Variants in SUGT1 observed in about 807,000 individuals in gnomAD.
SUGT1 encodes SGT1 assembly cochaperone of MIS12 kinetochore complex.
In SUGT1, 15 loss-of-function variants were observed where a neutral mutation model predicts 56.1. The ratio of observed to expected loss-of-function variants is 0.27; its 90% confidence interval spans 0.18 to 0.41. SUGT1 has a LOEUF of 0.41. Among genes scored for constraint, SUGT1 ranks in the 10% least tolerant of loss-of-function variants. The pLI is 1.00. For synonymous variants in SUGT1, 123 were observed against 128.6 expected, an observed-to-expected ratio of 0.96 and a Z score of 0.30; for missense variants, 347 against 382.2, an observed-to-expected ratio of 0.91 and a Z score of 0.77.
intron 10 of SUGT1, among the ~76,000 whole-genome samples, chr13:52,673,890 T>C (rs559250843): frequency 1.3e-5 from 2 of 152,322 alleles, no homozygotes; most frequent in South Asian, 4.1e-4. Flanking sequence ...ATAAATATCG[T>C]AGCAGTGACA....
rs1963891656 is a variant in SUGT1 at position 52,695,161 on chromosome 13, T to A, written c.*7326T>A. 1 of 152,272 alleles carries A rather than the reference T, an allele frequency of 6.6e-6. No individual in the cohort carries two copies. The highest frequency in any genetic ancestry group is 2.1e-4 in the South Asian group (1 of 4,836). The allele number at this position is 152,272 out of a possible 1,614,324, so 9.4% of individuals were successfully genotyped here. A position where few individuals can be genotyped will look rare whatever the true frequency, so the allele number is the denominator to read the frequency against. ...CTGTTTTCTAAACTTTTTCTGTGGCTTGAAGTGACTGAAAGTGAACACATT... is the reference window on the plus strand; with the variant it reads ...CTGTTTTCTAAACTTTTTCTGTGGCATGAAGTGACTGAAAGTGAACACATT... On this transcript the variant is annotated 3_prime_UTR_variant, in exon 13 of 13. Coordinates refer to ENST00000310528, the MANE Select transcript of SUGT1 (RefSeq NM_006704.5).
In SUGT1 at chr13:52,666,924, G is replaced by A. The variant is rs753796018; in HGVS notation, c.627+5G>A. 6.3e-7 allele frequency: 1 copy of A among 1,595,650 alleles called. No homozygotes were observed. ...TTTAAAGTACTTTCAACAAAGGTAA[G>A]ACCATTGAAAAGTTTGTTACTAGTA... On this transcript the variant is annotated splice_donor_5th_base_variant and intron_variant, in intron 10 of 12. Coordinates refer to ENST00000310528, the MANE Select transcript of SUGT1 (RefSeq NM_006704.5).
At chr13:52,656,652 T>C (rs1026791265) in intron 2 of SUGT1, among the ~76,000 whole-genome samples, 1 of 152,326 alleles carries the variant, frequency 6.6e-6, no homozygotes, top group African/African-American at 2.4e-5. Context: ...TACTTTCTGT[T>C]GATTGACTGT....
chr13:52,685,126 G>A (rs1425046430), intron 12 of SUGT1, among the ~76,000 whole-genome samples: 1 of 150,610 alleles, frequency 6.6e-6, no homozygotes, highest in African/African-American at 2.4e-5. Context: ...GAATACAGAG[G>A]TGCGATCATG....
At chr13:52,669,912 T>C (rs1475878513) in intron 10 of SUGT1, among the ~76,000 whole-genome samples, 1 of 152,216 alleles carries the variant, frequency 6.6e-6, no homozygotes, top group East Asian at 1.9e-4. Context: ...GAGGCTTACT[T>C]CGTGGACACT....
chr13:52,653,171 A>AC (rs1299191004), intron 2 of SUGT1, 68 bp downstream of exon 2: 2 of 1,587,024 alleles, frequency 1.3e-6, no homozygotes, highest in African/African-American at 2.7e-5. Flanking sequence ...GTCCCCGCTG[A>AC]CCCGCCTTCT....
chr13:52,696,615 G>T lies in SUGT1; in HGVS notation c.*8780G>T, dbSNP rs751933990. 5 of 152,160 alleles carry T rather than the reference G, an allele frequency of 3.3e-5. No individual in the cohort carries two copies. Among genetic ancestry groups the T allele is most frequent in the Non-Finnish European group, 7.4e-5 (5 of 68,026 alleles). 9.4% of individuals were successfully genotyped at this position (152,160 alleles called of 1,614,324 possible). A position where few individuals can be genotyped will look rare whatever the true frequency, so the allele number is the denominator to read the frequency against. ...TAAAGTTGATCATTTATTTGTCAAT[G>T]TAAATAGAATAGTAATTTGTTTTCA... On this transcript the variant is annotated 3_prime_UTR_variant, in exon 13 of 13. Transcript: ENST00000310528.
intron 10 of SUGT1, among the ~76,000 whole-genome samples, chr13:52,674,788 A>G (rs1963079285): frequency 6.6e-6 from 1 of 152,192 alleles, no homozygotes; most frequent in Admixed American, 6.5e-5. Flanking sequence ...TATAGTGCTT[A>G]CTTTAATATT....
chr13:52,666,939 T>C lies in SUGT1; in HGVS notation c.627+20T>C, dbSNP rs777319781. ...ACAAAGGTAAGACCATTGAAAAGTT[T>C]GTTACTAGTAATATTTTCAAAATTA... On this transcript the variant is annotated intron_variant, in intron 10 of 12. Coordinates refer to ENST00000310528, the MANE Select transcript of SUGT1 (RefSeq NM_006704.5). 3.3e-6 allele frequency: 5 copies of C among 1,535,130 alleles called. No individual in the cohort carries two copies. The highest frequency in any genetic ancestry group is 4.5e-6 in the Non-Finnish European group (5 of 1,116,280).
chr13:52,694,780 C>T lies in SUGT1; in HGVS notation c.*6945C>T, dbSNP rs186702628. On this transcript the variant is annotated 3_prime_UTR_variant, in exon 13 of 13. Coordinates refer to ENST00000310528, the MANE Select transcript of SUGT1 (RefSeq NM_006704.5). ...TTTTGGCTCACTGCAAGCTCCGCCT[C>T]CCGGTTCACGCCATTCTCATGCCTC... 7.9e-5 allele frequency: 12 copies of T among 152,428 alleles called. No individual in the cohort carries two copies. The highest frequency in any genetic ancestry group is 2.0e-4 in the Admixed American group (3 of 15,310). The allele number at this position is 152,428 out of a possible 1,614,324, so 9.4% of individuals were successfully genotyped here.
intron 10 of SUGT1, among the ~76,000 whole-genome samples, chr13:52,674,535 G>A (rs1963068193): frequency 6.6e-6 from 1 of 152,142 alleles, no homozygotes; most frequent in Admixed American, 6.5e-5. Flanking sequence ...ATTTTAAGGT[G>A]CAAATTTTGA....
chr13:52,652,889 A>G lies in SUGT1; in HGVS notation c.-32A>G, dbSNP rs983222422. The G allele has an allele frequency of 1.2e-6, 2 of 1,609,538 alleles. No homozygotes were observed. The highest frequency in any genetic ancestry group is 2.7e-5 in the African/African-American group (2 of 74,880). On this transcript the variant is annotated 5_prime_UTR_variant, in exon 1 of 13. Transcript: ENST00000310528. ...TGGAGGTGGTAACCGTGATAGTAGC[A>G]GCTCCGGCGGCAGCAACAGCGACTA...
intron 2 of SUGT1, among the ~76,000 whole-genome samples, chr13:52,655,811 T>C (rs865871270): frequency 6.6e-6 from 1 of 152,130 alleles, no homozygotes; most frequent in African/African-American, 2.4e-5. Context: ...TCAGGTAAAG[T>C]TTAGAGAAAA....
At chr13:52,658,172 GC>G in intron 3 of SUGT1, 2 of 1,468,356 alleles carry the variant, frequency 1.4e-6, no homozygotes, top group Non-Finnish European at 1.8e-6. Context: ...TTGTGACACA[GC>G]TGTATTCATT....
intron 7 of SUGT1, 102 bp downstream of exon 7, chr13:52,663,214 A>G: frequency 8.3e-7 from 1 of 1,208,662 alleles, no homozygotes; most frequent in Non-Finnish European, 1.2e-6. Context: ...ATATTTAAAT[A>G]TTAAGCAATT....
chr13:52,663,100 A>T lies in SUGT1; in HGVS notation c.387A>T (p.Ser129=), dbSNP rs976230379. The stretch of plus-strand genomic sequence containing the variant: ...TTCCTTTTTATGTTTTAATAGGCTC[A>T]GAATCTGAGGTGGTAAGTCCAAAGT... ...IKRCQEAQNG[S]ESEVWTHQSK... is the part of the protein sequence containing the mutation. Residue 129 remains serine (S), a synonymous_variant, in exon 7 of 13, where the codon TCA becomes TCT. Transcript: ENST00000310528. 1 of 1,608,122 alleles carries T rather than the reference A, an allele frequency of 6.2e-7. No homozygotes were observed. The highest frequency in any genetic ancestry group is 2.2e-5 in the East Asian group (1 of 44,690).
intron 2 of SUGT1, among the ~76,000 whole-genome samples, chr13:52,656,428 G>A (rs1042493282): frequency 6.6e-5 from 10 of 152,078 alleles, no homozygotes; most frequent in South Asian, 2.1e-4. Flanking sequence ...AGAAGTCTCC[G>A]TTTCCAGTCT....
chr13:52,667,332 T>C (rs1470679366), intron 10 of SUGT1, among the ~76,000 whole-genome samples: 4 of 152,162 alleles, frequency 2.6e-5, no homozygotes, highest in Non-Finnish European at 5.9e-5. Context: ...GAAAGATGAA[T>C]CTGCCTTTTG....
In SUGT1 at chr13:52,652,984, A is replaced by G. The variant is rs561672765; in HGVS notation, c.38+26A>G. The G allele has an allele frequency of 5.6e-6, 9 of 1,614,078 alleles. No individual in the cohort carries two copies. The African/African-American group carries it at 8.0e-5, about 14-fold the overall frequency. On this transcript the variant is annotated intron_variant, in intron 1 of 12. Coordinates refer to ENST00000310528, the MANE Select transcript of SUGT1 (RefSeq NM_006704.5). ...GTGCATGTTTTTCTTTCCCTTTGGT[A>G]TTTATTTTATCCCCCTTTCCTTGGC...
Sources: gnomAD v4.1 joint callset for allele counts (sites outside exome capture counted in the v4.1 genomes callset) on GRCh38, gnomAD v4.1.1 for gene constraint, MANE v1.5 for transcripts, NCBI Gene and HGNC (gene_info 2026-07-23, HGNC 2026-07-21) for gene names.